GCLC: variants seen among roughly 807,000 people sequenced by gnomAD.
GCLC encodes the protein glutamate--cysteine ligase catalytic subunit.
GCLC carries 30 observed loss-of-function variants against 81.5 expected under a neutral mutation model. The observed-to-expected ratio is 0.37, with a 90% CI of 0.28 to 0.50. The LOEUF (loss-of-function observed/expected upper bound fraction) is 0.50. GCLC is among the 20% of genes least tolerant of loss of function. GCLC has a pLI of 0.96. For synonymous variants in GCLC, 262 were observed against 273.3 expected (o/e 0.96, Z 0.41); for missense variants, 556 against 777.4 (o/e 0.72, Z 3.39).
At chr6:53,535,366 T>C (rs1267866714) in intron 1 of GCLC, among the ~76,000 whole-genome samples, 1 of 152,040 alleles carries the variant, frequency 6.6e-6, no homozygotes. Flanking sequence ...AACACAAAAT[T>C]AGCCAGGCGT....
intron 1 of GCLC, among the ~76,000 whole-genome samples, chr6:53,535,834 G>T (rs1056132087): frequency 6.6e-6 from 1 of 152,184 alleles, no homozygotes; most frequent in Non-Finnish European, 1.5e-5. Context: ...CAAGAATGTG[G>T]ATGAACTGAA....
intron 1 of GCLC, among the ~76,000 whole-genome samples, chr6:53,538,136 CTTTTTTTTTTTTTTTTTT>C (rs10588842): frequency 1.3e-5 from 1 of 78,904 alleles, no homozygotes; most frequent in Non-Finnish European, 2.3e-5. Context: ...TTTTTCTTTC[CTTTTTTTTTTTTTTTTTT>C]TTTTTTTTTA....
Position 53,522,504 on chromosome 6 carries a change from A to G in GCLC, c.174T>C (p.Phe58=). The G allele has an allele frequency of 6.2e-7, 1 of 1,605,022 alleles. No individual in the cohort carries two copies. Among genetic ancestry groups the G allele is most frequent in the Non-Finnish European group, 8.5e-7 (1 of 1,171,868 alleles). ...ACCGGACTTTTTTATTTTCATGATC[A>G]AAAGATACCAACATGTATTCCACCT... ...GDEVEYMLVS[F]DHENKKVRLV... is the part of the protein sequence containing the mutation. Residue 58 remains phenylalanine (F), a synonymous_variant, in exon 2 of 16, where the codon TTT becomes TTC. Transcript: ENST00000650454.
chr6:53,524,080 G>A (rs1763042516), intron 1 of GCLC, among the ~76,000 whole-genome samples: 1 of 152,226 alleles, frequency 6.6e-6, no homozygotes. Flanking sequence ...AAACTTGGTT[G>A]AGTCTCAGAA....
rs563105607 is a variant in GCLC at position 53,532,194 on chromosome 6, A to C, written c.151-9667T>G. 1.1e-4 allele frequency among the ~76,000 whole-genome samples: 16 copies of C among 152,306 alleles called. No individual in the cohort carries two copies. In the South Asian group the frequency reaches 2.3e-3, roughly 22 times the overall value. ...ATTAGGGCTTCAGATGTTTTTGGCA[A>C]TTTCACTTCTTTAACTACAGCTATA... On this transcript the variant is annotated intron_variant, in intron 1 of 15. Transcript: ENST00000650454.
intron 1 of GCLC, 36 bp from the exon 2 acceptor site, chr6:53,522,563 TC>T: frequency 7.4e-7 from 1 of 1,347,970 alleles, no homozygotes; most frequent in Non-Finnish European, 1.1e-6. Flanking sequence ...TTAACATTCT[TC>T]CAGACTTGTT....
At chr6:53,544,432 G>GAC in intron 1 of GCLC, 64 bp downstream of exon 1, 1 of 1,567,208 alleles carries the variant, frequency 6.4e-7, no homozygotes, top group Non-Finnish European at 8.7e-7. Context: ...CGTAGGGCAA[G>GAC]ACAAAGGCAG....
At chr6:53,531,376 C>T (rs1365858700) in intron 1 of GCLC, among the ~76,000 whole-genome samples, 1 of 152,102 alleles carries the variant, frequency 6.6e-6, no homozygotes, top group African/African-American at 2.4e-5. Context: ...TTGTTTTAGT[C>T]AAAGGTGAAA....
At chr6:53,511,042 A>C (rs920605056) in intron 6 of GCLC, among the ~76,000 whole-genome samples, 55 of 152,222 alleles carry the variant, frequency 3.6e-4, no homozygotes, top group African/African-American at 1.3e-3. Context: ...AGCAGTGAGG[A>C]AATGGGAGCT....
At position 53,544,674 on chromosome 6, in the gene GCLC, T is replaced by TCCTCCA; in HGVS notation, c.-30_-29insTGGAGG. 1 of 1,570,868 alleles carries TCCTCCA rather than the reference T, an allele frequency of 6.4e-7. No individual in the cohort carries two copies. Among genetic ancestry groups the TCCTCCA allele is most frequent in the South Asian group, 1.1e-5 (1 of 88,378 alleles). ...CGCCCCCTCCTCCTCCTCCTCCTCC[T>TCCTCCA]CCGGGCTGACGGCGGTCGCCCGCTC... On this transcript the variant is annotated 5_prime_UTR_variant, in exon 1 of 16. Coordinates refer to ENST00000650454, the MANE Select transcript of GCLC (RefSeq NM_001498.4).
At chr6:53,517,155 T>C (rs1764893036) in intron 3 of GCLC, among the ~76,000 whole-genome samples, 3 of 143,532 alleles carry the variant, frequency 2.1e-5, no homozygotes, top group African/African-American at 7.8e-5. Flanking sequence ...GGTGCAATCA[T>C]AGCTCAGTGC....
intron 6 of GCLC, among the ~76,000 whole-genome samples, chr6:53,511,046 G>A (rs1232978248): frequency 6.6e-6 from 1 of 152,178 alleles, no homozygotes. Flanking sequence ...GTGAGGAAAT[G>A]GGAGCTGGTA....
At chr6:53,537,260 C>A (rs1763271635) in intron 1 of GCLC, among the ~76,000 whole-genome samples, 3 of 152,198 alleles carry the variant, frequency 2.0e-5, no homozygotes, top group Non-Finnish European at 4.4e-5. Context: ...GCAAAGGGCA[C>A]AAGGGAACTT....
chr6:53,497,989 G>A lies in GCLC; in HGVS notation c.*767C>T, dbSNP rs17881548. Reference sequence around the variant, plus strand: ...ATGATTGCCACCCCCCACCCCTGCCGCCAACTTTTTTAGTTAAAAAAAAAA... The same window carrying A: ...ATGATTGCCACCCCCCACCCCTGCCACCAACTTTTTTAGTTAAAAAAAAAA... On this transcript the variant is annotated 3_prime_UTR_variant, in exon 16 of 16. Transcript: ENST00000650454. 8,375 of 139,202 alleles carry A rather than the reference G, an allele frequency of 0.06. 315 individuals carry two copies. The highest frequency in any genetic ancestry group is 0.086 in the Non-Finnish European group (5,512 of 64,252). 8.6% of individuals were successfully genotyped at this position (139,202 alleles called of 1,614,324 possible). A position where few individuals can be genotyped will look rare whatever the true frequency, so the allele number is the denominator to read the frequency against.
chr6:53,531,500 TC>T (rs1224550946), intron 1 of GCLC, among the ~76,000 whole-genome samples: 1 of 152,140 alleles, frequency 6.6e-6, no homozygotes, highest in African/African-American at 2.4e-5. Context: ...CAGCAGAAAC[TC>T]CAACATCCCT....
At position 53,509,167 on chromosome 6, in the gene GCLC, T is replaced by C; in HGVS notation, c.828+9A>G. On this transcript the variant is annotated intron_variant, in intron 7 of 15. Coordinates refer to ENST00000650454, the MANE Select transcript of GCLC (RefSeq NM_001498.4). ...GTAGTATTTAAAATAAGAGGTAATTTCTACTTACAACAATTGGACAGATAG... is the reference window on the plus strand; with the variant it reads ...GTAGTATTTAAAATAAGAGGTAATTCCTACTTACAACAATTGGACAGATAG... 1 of 1,485,798 alleles carries C rather than the reference T, an allele frequency of 6.7e-7. No homozygotes were observed. The highest frequency in any genetic ancestry group is 9.4e-7 in the Non-Finnish European group (1 of 1,062,776). The allele number at this position is 1,485,798 out of a possible 1,614,324, so 92.0% of individuals were successfully genotyped here.
In GCLC at chr6:53,508,665, T is replaced by C; in HGVS notation, c.875A>G (p.Asp292Gly). The change falls in exon 8 of 16, where the codon GAC (aspartate) becomes GGC (glycine). Residue 292 changes from aspartate to glycine, a missense_variant. Asp to Gly is a moderately conservative substitution (Grantham distance 94). Around this residue, in one of 3 missense-constraint regions of GCLC, gnomAD observed 313 missense variants for 437.3 expected, o/e 0.72. Coordinates refer to ENST00000650454, the MANE Select transcript of GCLC (RefSeq NM_001498.4). Reference sequence around the variant, plus strand: ...AATCACTCCCCAGCGACAATCAATGTCTGACACATAGCCTCGGTAAAAGGG... The same window carrying C: ...AATCACTCCCCAGCGACAATCAATGCCTGACACATAGCCTCGGTAAAAGGG... Reference protein sequence around the residue: ...ASPFYRGYVSDIDCRWGVISA... With the variant: ...ASPFYRGYVSGIDCRWGVISA... 2 of 1,613,942 alleles carry C rather than the reference T, an allele frequency of 1.2e-6. No homozygotes were observed. The highest frequency in any genetic ancestry group is 1.6e-4 in the Middle Eastern group (1 of 6,062).
intron 1 of GCLC, among the ~76,000 whole-genome samples, chr6:53,543,917 C>T (rs1393520151): frequency 6.6e-6 from 1 of 152,142 alleles, no homozygotes; most frequent in African/African-American, 2.4e-5. Context: ...GTTCCTCCCC[C>T]ATGTAGGAAA....
chr6:53,522,369 A>G, intron 2 of GCLC, 46 bp downstream of exon 2: 1 of 1,066,856 alleles, frequency 9.4e-7, no homozygotes, highest in Non-Finnish European at 1.5e-6. Flanking sequence ...ATATTCTAGA[A>G]GTTTTAGCAG....
Sources: gnomAD v4.1 joint callset for allele counts (sites outside exome capture counted in the v4.1 genomes callset) on GRCh38, gnomAD v4.1.1 for gene constraint, gnomAD v4.1.1 regional missense constraint, MANE v1.5 for transcripts, NCBI Gene and HGNC (gene_info 2026-07-23, HGNC 2026-07-21) for gene names.